The following COBL variants were observed in gnomAD, a reference collection of about 807,000 sequenced individuals.
COBL encodes the protein cordon-bleu WH2 repeat protein.
A neutral mutation model predicts 98.8 loss-of-function variants in COBL; 51 were observed. The observed-to-expected ratio is 0.52, with a 90% CI of 0.41 to 0.65. The LOEUF (loss-of-function observed/expected upper bound fraction) is 0.65, where lower values mean the gene tolerates loss of function less well. Among genes scored for constraint, COBL ranks in the 30% least tolerant of loss-of-function variants. The pLI, the probability that COBL is intolerant of heterozygous loss-of-function variation, is 0.00. For synonymous variants in COBL, 634 were observed against 651.7 expected, an observed-to-expected ratio of 0.97 and a Z score of 0.41; for missense variants, 1,617 against 1,617.5, an observed-to-expected ratio of 1.00 and a Z score of 0.01.
chr7:51,162,653 T>C (rs1017973589), intron 5 of COBL, among the ~76,000 whole-genome samples: 3 of 152,240 alleles, frequency 2.0e-5, no homozygotes, highest in Non-Finnish European at 4.4e-5. Context: ...TTTCAGAACA[T>C]TTCCTATGAG....
rs569198745 is a variant in COBL, at chr7:51,305,029, A to G, written c.41+11564T>C. Among the ~76,000 whole-genome samples, 15 of 152,268 alleles carry G rather than the reference A, an allele frequency of 9.9e-5. No individual in the cohort carries two copies. In the East Asian group the frequency reaches 2.7e-3, roughly 27 times the overall value. On this transcript the variant is annotated intron_variant, in intron 1 of 12. Coordinates refer to ENST00000265136, the MANE Select transcript of COBL (RefSeq NM_015198.5). ...AGCCCCCGCCCCTCCAAATGCCAGC[A>G]CCACTAGGTAATACAAGGGCCAGTC...
chr7:51,251,288 G>A (rs1796711381), intron 1 of COBL, among the ~76,000 whole-genome samples: 2 of 152,110 alleles, frequency 1.3e-5, no homozygotes, highest in South Asian at 4.1e-4. Context: ...GGAGCTCAAA[G>A]AACAAAATAT....
intron 8 of COBL, chr7:51,031,175 A>G: frequency 2.5e-6 from 1 of 403,808 alleles, no homozygotes; most frequent in South Asian, 5.1e-5. Flanking sequence ...TGGACATGTG[A>G]TATATGGTGT....
chr7:51,306,369 G>T (rs1408816064), intron 1 of COBL, among the ~76,000 whole-genome samples: 1 of 152,168 alleles, frequency 6.6e-6, no homozygotes, highest in Non-Finnish European at 1.5e-5. Context: ...TGGAGCAAGG[G>T]CTGTATAAAG....
At chr7:51,154,696 G>A (rs1170395852) in intron 5 of COBL, among the ~76,000 whole-genome samples, 3 of 152,162 alleles carry the variant, frequency 2.0e-5, no homozygotes, top group Non-Finnish European at 4.4e-5. Context: ...GGAGCCAGCA[G>A]GTAAGAGGAG....
intron 11 of COBL, 69 bp from the exon 12 acceptor site, chr7:51,025,441 A>C: frequency 1.3e-6 from 2 of 1,530,332 alleles, no homozygotes; most frequent in Non-Finnish European, 1.8e-6. Flanking sequence ...TGAAATCCCA[A>C]CGCCCAAGGT....
chr7:51,311,897 C>CT (rs1803085130), intron 1 of COBL, among the ~76,000 whole-genome samples: 1 of 151,546 alleles, frequency 6.6e-6, no homozygotes, highest in African/African-American at 2.4e-5. Flanking sequence ...GAAATACCAA[C>CT]TTTTTTTCAG....
chr7:51,140,112 T>C lies in COBL; in HGVS notation c.784-3781A>G, dbSNP rs546357646. Among the ~76,000 whole-genome samples the C allele has an allele frequency of 7.3e-5, 11 of 150,956 alleles. No individual in the cohort carries two copies. In the East Asian group the frequency reaches 2.1e-3, roughly 29 times the overall value. ...TGATCTTATCAAATTTTCTCAGGAG[T>C]TGCAAGTGCAACCAGATAAATCATT... On this transcript the variant is annotated intron_variant, in intron 5 of 12. Coordinates refer to ENST00000265136, the MANE Select transcript of COBL (RefSeq NM_015198.5).
intron 5 of COBL, among the ~76,000 whole-genome samples, chr7:51,176,399 TACACACACAGACACACAC>T (rs1237401503): frequency 6.6e-6 from 1 of 151,750 alleles, no homozygotes; most frequent in Non-Finnish European, 1.5e-5. Flanking sequence ...TATATATGTA[TACACACACAGACACACAC>T]ACACACACAC....
chr7:51,062,026 C>T (rs76528992), intron 7 of COBL, among the ~76,000 whole-genome samples: 7,122 of 151,642 alleles, frequency 0.047, 575 homozygotes, highest in African/African-American at 0.16. Flanking sequence ...AGAAGCCTGA[C>T]TAATAGAGAT....
In COBL at chr7:51,190,840, G is replaced by A. The variant is rs191263117; in HGVS notation, c.685+10C>T. 3.5e-3 allele frequency: 5,682 copies of A among 1,608,394 alleles called. 22 individuals are homozygous for A. The highest frequency in any genetic ancestry group is 5.1e-3 in the Middle Eastern group (31 of 6,052). ...TATGGGCAGGTGCGTGAGACGCAGCGGGGCCTCACCTCTTCTGTTGTCCCA... is the reference window on the plus strand; with the variant it reads ...TATGGGCAGGTGCGTGAGACGCAGCAGGGCCTCACCTCTTCTGTTGTCCCA... On this transcript the variant is annotated intron_variant, in intron 4 of 12. Transcript: ENST00000265136.
chr7:51,175,900 A>G (rs1343628735), intron 5 of COBL, among the ~76,000 whole-genome samples: 1 of 152,152 alleles, frequency 6.6e-6, no homozygotes, highest in Admixed American at 6.5e-5. Context: ...GTCTTTATTC[A>G]TCCCATAAAT....
chr7:51,209,249 A>G (rs117568283), intron 2 of COBL, among the ~76,000 whole-genome samples: 57 of 152,228 alleles, frequency 3.7e-4, no homozygotes, highest in Non-Finnish European at 7.2e-4. Flanking sequence ...AAGAGCATCA[A>G]TAATGTTCTC....
intron 2 of COBL, among the ~76,000 whole-genome samples, chr7:51,210,729 T>C (rs1792334081): frequency 6.6e-6 from 1 of 152,224 alleles, no homozygotes; most frequent in African/African-American, 2.4e-5. Flanking sequence ...TTCAGCTCGA[T>C]TGACTACTTT....
chr7:51,187,914 C>T, intron 4 of COBL: 1 of 1,232,470 alleles, frequency 8.1e-7, no homozygotes. Context: ...TTCACTGTAC[C>T]TTGACAGCTC....
At chr7:51,062,660 T>C (rs1310281829) in intron 7 of COBL, among the ~76,000 whole-genome samples, 1 of 152,224 alleles carries the variant, frequency 6.6e-6, no homozygotes, top group Non-Finnish European at 1.5e-5. Context: ...GGGCGCTTGC[T>C]GATCTGCAGG....
intron 7 of COBL, among the ~76,000 whole-genome samples, chr7:51,067,454 A>G (rs1044667024): frequency 2.6e-5 from 4 of 152,256 alleles, no homozygotes; most frequent in Non-Finnish European, 5.9e-5. Context: ...GGGTATGCAT[A>G]CATGCACTGT....
Position 51,273,712 on chromosome 7 carries a change from A to C in COBL, c.41+42881T>G, listed in dbSNP as rs574904206. On this transcript the variant is annotated intron_variant, in intron 1 of 12. Transcript: ENST00000265136. Reference sequence around the variant, plus strand: ...TTTAAAACTCAAGATTCTAAAAATGAATGACAAGTTCTACCAGAGAGACAA... The same window carrying C: ...TTTAAAACTCAAGATTCTAAAAATGCATGACAAGTTCTACCAGAGAGACAA... Among the ~76,000 whole-genome samples, 10 of 152,360 alleles carry C rather than the reference A, an allele frequency of 6.6e-5. No homozygotes were observed. In the South Asian group the frequency reaches 1.9e-3, roughly 28 times the overall value.
intron 3 of COBL, 132 bp from the exon 4 acceptor site, chr7:51,191,210 G>A: frequency 1.4e-6 from 1 of 705,644 alleles, no homozygotes; most frequent in South Asian, 1.8e-5. Context: ...AATTGAGTGA[G>A]TAATGGGGGA....
Sources: gnomAD v4.1 joint callset for allele counts (sites outside exome capture counted in the v4.1 genomes callset) on GRCh38, gnomAD v4.1.1 for gene constraint, MANE v1.5 for transcripts, NCBI Gene and HGNC (gene_info 2026-07-23, HGNC 2026-07-21) for gene names.